Variants in MEX3D observed in about 807,000 individuals in gnomAD.
MEX3D encodes mex-3 RNA binding family member D.
Under a neutral mutation model 6.3 loss-of-function variants are expected in MEX3D, and 4 were observed. That is an observed-to-expected ratio of 0.64 (90% CI 0.31 to 1.46). MEX3D has a LOEUF of 1.46. Among genes scored for constraint, MEX3D ranks in the 40% most tolerant of loss-of-function variants. The pLI, the probability that MEX3D is intolerant of heterozygous loss-of-function variation, is 0.07. For missense variants in MEX3D, 1,038 were observed against 994.4 expected, an observed-to-expected ratio of 1.04 and a Z score of -0.59; for synonymous variants, 626 against 494.1, an observed-to-expected ratio of 1.27 and a Z score of -3.54.
Position 1,568,243 on chromosome 19 carries a change from GGGCGGCGGCAGCGACTCTGGCTGCGGCTC to G in MEX3D, c.-214_-186del, listed in dbSNP as rs1914908426. Among the ~76,000 whole-genome samples the G allele has an allele frequency of 7.1e-6, 1 of 141,494 alleles. No individual in the cohort carries two copies. Among genetic ancestry groups the G allele is most frequent in the Non-Finnish European group, 1.6e-5 (1 of 63,892 alleles). 92.8% of individuals were successfully genotyped at this position (141,494 alleles called of 152,430 possible). On this transcript the variant is annotated 5_prime_UTR_variant, in exon 1 of 2. Transcript: ENST00000402693. ...GCTCGGGGCCGGGCCGGGCCGGGCC[GGGCGGCGGCAGCGACTCTGGCTGCGGCTC>G]GGCGGCGGCGGCGACGGCGGCGGCG...
In MEX3D at chr19:1,564,488, G is replaced by A. The variant is rs568460085; in HGVS notation, c.595+2976C>T. Among the ~76,000 whole-genome samples the A allele has an allele frequency of 6.0e-5, 9 of 149,830 alleles. No homozygotes were observed. The East Asian group carries it at 1.4e-3, about 23-fold the overall frequency. On this transcript the variant is annotated intron_variant, in intron 1 of 1. Coordinates refer to ENST00000402693, the MANE Select transcript of MEX3D (RefSeq NM_203304.4). ...GTGGAGCTTGCAGTGAACCGGGATCGTGCCATTGCACTCCAGCCTGGGCAA... is the reference window on the plus strand; with the variant it reads ...GTGGAGCTTGCAGTGAACCGGGATCATGCCATTGCACTCCAGCCTGGGCAA...
rs773372717 is a variant in MEX3D, at chr19:1,567,642, G to GGGC, written c.414_416dup (p.Pro139dup). 1.3e-4 allele frequency: 161 copies of GGGC among 1,232,812 alleles called. No individual in the cohort carries two copies. Among genetic ancestry groups the GGGC allele is most frequent in the African/African-American group, 1.0e-3 (63 of 62,610 alleles). 76.4% of individuals were successfully genotyped at this position (1,232,812 alleles called of 1,614,324 possible). ...CGAACACGTCGGGGGGCGACGGCCG[G>GGGC]GGCGGCGGCGGCGGCGGGGGACTCG... On this transcript the variant is annotated inframe_insertion, in exon 1 of 2. Coordinates refer to ENST00000402693, the MANE Select transcript of MEX3D (RefSeq NM_203304.4). This position sits in a 1 kb window ranked among gnomAD's most constrained non-coding sequence, Gnocchi z 6.5.
chr19:1,559,428 C>T (rs915483616), intron 1 of MEX3D, among the ~76,000 whole-genome samples: 3 of 152,132 alleles, frequency 2.0e-5, no homozygotes, highest in Admixed American at 1.3e-4. Flanking sequence ...CCACCACGCC[C>T]GGCCTATTTT....
In MEX3D at chr19:1,567,743, C is replaced by T. The variant is rs1914883582; in HGVS notation, c.316G>A (p.Gly106Arg). 1.0e-6 allele frequency: 1 copy of T among 964,916 alleles called. No homozygotes were observed. The highest frequency in any genetic ancestry group is 1.2e-6 in the Non-Finnish European group (1 of 809,582). The allele number at this position is 964,916 out of a possible 1,614,324, so 59.8% of individuals were successfully genotyped here. Residue 106 changes from glycine (G) to arginine (R), a missense_variant, in exon 1 of 2, where the codon GGA (glycine) becomes AGA (arginine). Physicochemically the swap from Gly to Arg is moderately radical, Grantham distance 125. Transcript: ENST00000402693. This position sits in a 1 kb window ranked among gnomAD's most constrained non-coding sequence, Gnocchi z 6.5. ...GTCGGGGGCGCGCCGGCCTCAGGTC[C>T]GTCGGGGGGCACAGGCTCCGGAGCC... is the stretch of plus-strand genomic sequence containing the variant. Reference protein sequence around the residue: ...GAAPEPVPPDGPEAGAPPTLA... With the variant: ...GAAPEPVPPDRPEAGAPPTLA...
intron 1 of MEX3D, among the ~76,000 whole-genome samples, chr19:1,565,094 A>T (rs1221459295): frequency 1.3e-5 from 2 of 152,086 alleles, no homozygotes; most frequent in Non-Finnish European, 2.9e-5. Context: ...CTGGGATTAA[A>T]ACCAGCAACT....
rs1415166218 is a variant in MEX3D, at chr19:1,567,319, G to A, written c.595+145C>T. On this transcript the variant is annotated intron_variant, in intron 1 of 1. Transcript: ENST00000402693. The surrounding 1 kb of genome is among the most constrained non-coding windows in gnomAD (Gnocchi z 6.5). ...GGCGGCTGCAGGACAAAGGCGCAAA[G>A]GCAGCGGCCGAGGCCGGAGCCCACG... is the stretch of plus-strand genomic sequence containing the variant. The A allele has an allele frequency of 1.0e-6, 1 of 954,922 alleles. No homozygotes were observed. The highest frequency in any genetic ancestry group is 1.4e-6 in the Non-Finnish European group (1 of 717,872). 59.2% of individuals were successfully genotyped at this position (954,922 alleles called of 1,614,324 possible). A position where few individuals can be genotyped will look rare whatever the true frequency, so the allele number is the denominator to read the frequency against.
rs1914461676 is a variant in MEX3D at position 1,554,710 on chromosome 19, A to C, written c.*853T>G. Reference sequence around the variant, plus strand: ...AGAGGCTTTATTAAGAAGGCTTTGAAGTCAAAAAATAAAACTCTTGATACA... The same window carrying C: ...AGAGGCTTTATTAAGAAGGCTTTGACGTCAAAAAATAAAACTCTTGATACA... On this transcript the variant is annotated 3_prime_UTR_variant, in exon 2 of 2. Coordinates refer to ENST00000402693, the MANE Select transcript of MEX3D (RefSeq NM_203304.4). 6.6e-6 allele frequency: 1 copy of C among 152,474 alleles called. No individual in the cohort carries two copies. Among genetic ancestry groups the C allele is most frequent in the Non-Finnish European group, 1.5e-5 (1 of 68,042 alleles). 9.4% of individuals were successfully genotyped at this position (152,474 alleles called of 1,614,324 possible). A position where few individuals can be genotyped will look rare whatever the true frequency, so the allele number is the denominator to read the frequency against.
rs865889029 is a variant in MEX3D at position 1,568,180 on chromosome 19, G to C, written c.-122C>G. The C allele has an allele frequency of 1.2e-6, 1 of 851,032 alleles. No homozygotes were observed. Among genetic ancestry groups the C allele is most frequent in the African/African-American group, 1.9e-5 (1 of 53,022 alleles). The allele number at this position is 851,032 out of a possible 1,614,324, so 52.7% of individuals were successfully genotyped here. A position where few individuals can be genotyped will look rare whatever the true frequency, so the allele number is the denominator to read the frequency against. The stretch of plus-strand genomic sequence containing the variant: ...TGCATCCAGCGGCGGGGGCGGGCAC[G>C]GGGGGCCGGGCGGGCGGGGCGGCGG... On this transcript the variant is annotated 5_prime_UTR_variant, in exon 1 of 2. Coordinates refer to ENST00000402693, the MANE Select transcript of MEX3D (RefSeq NM_203304.4).
rs1914894711 is a variant in MEX3D at position 1,567,955 on chromosome 19, G to A, written c.104C>T (p.Pro35Leu). The change falls in exon 1 of 2, where the codon CCG (proline) becomes CTG (leucine). Residue 35 changes from proline (P) to leucine (L), a missense_variant. By Grantham distance (98) the Pro-to-Leu change is moderately conservative (BLOSUM62 -3). Coordinates refer to ENST00000402693, the MANE Select transcript of MEX3D (RefSeq NM_203304.4). The surrounding 1 kb of genome is among the most constrained non-coding windows in gnomAD (Gnocchi z 6.5). ...GEDPGPGPAP[P>L]PEGAQEAAPA... ...CGCGGCCTCCTGGGCGCCCTCGGGC[G>A]GGGGCGCAGGTCCGGGTCCGGGGTC... is the stretch of plus-strand genomic sequence containing the variant. The A allele has an allele frequency of 2.0e-6, 2 of 978,652 alleles. No individual in the cohort carries two copies. Among genetic ancestry groups the A allele is most frequent in the South Asian group, 9.1e-5 (2 of 21,970 alleles). 60.6% of individuals were successfully genotyped at this position (978,652 alleles called of 1,614,324 possible).
Position 1,555,656 on chromosome 19 carries a change from G to T in MEX3D, c.1863C>A (p.Cys621Ter), listed in dbSNP as rs1358185407. 6.3e-7 allele frequency: 1 copy of T among 1,586,482 alleles called. No individual in the cohort carries two copies. Among genetic ancestry groups the T allele is most frequent in the Non-Finnish European group, 8.6e-7 (1 of 1,169,516 alleles). ...ALVPCGHNLF[C>*]MDCAVRICGK... is the part of the protein sequence containing the mutation. ...CGCAGATGCGGACGGCGCAGTCCAT[G>T]CAGAAGAGGTTGTGGCCGCAGGGGA... Residue 621 changes from cysteine to a stop codon, truncating the protein, a stop_gained, in exon 2 of 2, where the codon TGC becomes TGA. Transcript: ENST00000402693. LOFTEE classifies it low-confidence loss of function (END_TRUNC).
intron 1 of MEX3D, among the ~76,000 whole-genome samples, chr19:1,559,365 T>G: frequency 6.6e-6 from 1 of 152,204 alleles, no homozygotes; most frequent in East Asian, 1.9e-4. Context: ...ACTCCTGACC[T>G]CAGGTGATCC....
intron 1 of MEX3D, among the ~76,000 whole-genome samples, chr19:1,560,983 G>A (rs1914703560): frequency 6.6e-6 from 1 of 152,226 alleles, no homozygotes; most frequent in African/African-American, 2.4e-5. Flanking sequence ...GACACCGAAG[G>A]TTGGCAGGCA....
rs756425117 is a variant in MEX3D, at chr19:1,556,193, C to A, written c.1326G>T (p.Pro442=). 7.6e-6 allele frequency: 11 copies of A among 1,449,416 alleles called. No individual in the cohort carries two copies. The African/African-American group carries it at 1.1e-4, about 14-fold the overall frequency. 89.8% of individuals were successfully genotyped at this position (1,449,416 alleles called of 1,614,324 possible). The change falls in exon 2 of 2, where the codon CCG becomes CCT. Residue 442 remains proline (P), a synonymous_variant. Coordinates refer to ENST00000402693, the MANE Select transcript of MEX3D (RefSeq NM_203304.4). This position sits in a 1 kb window ranked among gnomAD's most constrained non-coding sequence, Gnocchi z 7.5. The part of the protein sequence containing the change: ...FAFGAEGPGA[P]VGTAAPDDCD... ...AGTCGTCGGGGGCGGCCGTCCCCAC[C>A]GGGGCACCGGGACCCTCCGCGCCGA...
chr19:1,556,983 G>T lies in MEX3D; in HGVS notation c.596-60C>A. 2 of 1,518,274 alleles carry T rather than the reference G, an allele frequency of 1.3e-6. No individual in the cohort carries two copies. Among genetic ancestry groups the T allele is most frequent in the South Asian group, 1.3e-5 (1 of 77,938 alleles). The allele number at this position is 1,518,274 out of a possible 1,614,324, so 94.1% of individuals were successfully genotyped here. On this transcript the variant is annotated intron_variant, in intron 1 of 1. Transcript: ENST00000402693. The surrounding 1 kb of genome is among the most constrained non-coding windows in gnomAD (Gnocchi z 7.5). Reference sequence around the variant, plus strand: ...AGAGCCCCCTGCGCAGCTCAGCCCCGCTGGGCATGCAGGCTGCAGGGCCAG... The same window carrying T: ...AGAGCCCCCTGCGCAGCTCAGCCCCTCTGGGCATGCAGGCTGCAGGGCCAG...
chr19:1,555,459 C>CCA lies in MEX3D; in HGVS notation c.*103_*104insTG. 1 of 1,480,728 alleles carries CCA rather than the reference C, an allele frequency of 6.8e-7. No homozygotes were observed. The highest frequency in any genetic ancestry group is 9.1e-7 in the Non-Finnish European group (1 of 1,103,866). The allele number at this position is 1,480,728 out of a possible 1,614,324, so 91.7% of individuals were successfully genotyped here. A position where few individuals can be genotyped will look rare whatever the true frequency, so the allele number is the denominator to read the frequency against. On this transcript the variant is annotated 3_prime_UTR_variant, in exon 2 of 2. Transcript: ENST00000402693. ...CACCCCCCTGCCCCCTCGGCCTCCG[C>CCA]CCCTCGCCCCCTCCCCGTCCCTCTC...
In MEX3D at chr19:1,567,774, G is replaced by A. The variant is rs1280963125; in HGVS notation, c.285C>T (p.Gly95=). 2 of 949,048 alleles carry A rather than the reference G, an allele frequency of 2.1e-6. No individual in the cohort carries two copies. The highest frequency in any genetic ancestry group is 2.5e-6 in the Non-Finnish European group (2 of 797,080). 58.8% of individuals were successfully genotyped at this position (949,048 alleles called of 1,614,324 possible). A position where few individuals can be genotyped will look rare whatever the true frequency, so the allele number is the denominator to read the frequency against. The change falls in exon 1 of 2, where the codon GGC becomes GGT. Residue 95 remains glycine, a synonymous_variant. Coordinates refer to ENST00000402693, the MANE Select transcript of MEX3D (RefSeq NM_203304.4). This position sits in a 1 kb window ranked among gnomAD's most constrained non-coding sequence, Gnocchi z 6.5. ...GGGGCACAGGCTCCGGAGCCGCCCC[G>A]CCGTCCGCGCCCCCCGCCGCCGCTG... ...DGAAAAGGAD[G]GAAPEPVPPD...
At chr19:1,565,553 A>C (rs1440464738) in intron 1 of MEX3D, among the ~76,000 whole-genome samples, 1 of 152,238 alleles carries the variant, frequency 6.6e-6, no homozygotes, top group African/African-American at 2.4e-5. Context: ...TAAATAAATA[A>C]ATAAAACCAG....
At position 1,555,132 on chromosome 19, in the gene MEX3D, G is replaced by A. The variant is rs192248853; in HGVS notation, c.*431C>T. On this transcript the variant is annotated 3_prime_UTR_variant, in exon 2 of 2. Coordinates refer to ENST00000402693, the MANE Select transcript of MEX3D (RefSeq NM_203304.4). Reference sequence around the variant, plus strand: ...CCCTCCTCCTCTGGAACGTCTGTGCGGCCTGAGACCGGCCGGCGAGAAAAG... The same window carrying A: ...CCCTCCTCCTCTGGAACGTCTGTGCAGCCTGAGACCGGCCGGCGAGAAAAG... 8.9e-3 allele frequency: 3,393 copies of A among 381,890 alleles called. 30 individuals are homozygous for A. Among genetic ancestry groups the A allele is most frequent in the Non-Finnish European group, 0.011 (2,323 of 211,256 alleles). 23.7% of individuals were successfully genotyped at this position (381,890 alleles called of 1,614,324 possible). A position where few individuals can be genotyped will look rare whatever the true frequency, so the allele number is the denominator to read the frequency against.
Position 1,555,388 on chromosome 19 carries a change from G to C in MEX3D, c.*175C>G. 1 of 1,601,952 alleles carries C rather than the reference G, an allele frequency of 6.2e-7. No individual in the cohort carries two copies. Among genetic ancestry groups the C allele is most frequent in the Non-Finnish European group, 8.5e-7 (1 of 1,174,088 alleles). On this transcript the variant is annotated 3_prime_UTR_variant, in exon 2 of 2. Transcript: ENST00000402693. ...CGGGCTGCGGGGTCTCCGTCTCCAC[G>C]CCTGAGGCGGCAGTTAAAGCTCATC... is the stretch of plus-strand genomic sequence containing the variant.
Sources: gnomAD v4.1 joint callset for allele counts (sites outside exome capture counted in the v4.1 genomes callset) on GRCh38, gnomAD v4.1.1 for gene constraint, Gnocchi (gnomAD v3.1) non-coding constraint, MANE v1.5 for transcripts, NCBI Gene and HGNC (gene_info 2026-07-23, HGNC 2026-07-21) for gene names.